Variants in NUS1 observed in about 807,000 individuals in gnomAD.
NUS1 encodes the protein NUS1 dehydrodolichyl diphosphate synthase subunit.
For missense variants in NUS1, 292 were observed against 382.9 expected (o/e 0.76, Z 1.98); for synonymous variants, 135 against 155.2 (o/e 0.87, Z 0.97).
chr6:117,686,852 ATGTGT>A (rs1773147596), intron 1 of NUS1, among the ~76,000 whole-genome samples: 3 of 139,308 alleles, frequency 2.2e-5, no homozygotes, highest in African/African-American at 8.4e-5. Flanking sequence ...TGAAGTGTGT[ATGTGT>A]GTGTGTGTGT....
chr6:117,682,499 G>A (rs918366311), intron 1 of NUS1, among the ~76,000 whole-genome samples: 4 of 152,156 alleles, frequency 2.6e-5, no homozygotes, highest in Non-Finnish European at 5.9e-5. Context: ...TACTCAGGAG[G>A]CTGAGGTGGG....
rs1442659079 is a variant in NUS1, at chr6:117,709,250, A to C, written c.*2235A>C. The C allele has an allele frequency of 2.0e-5, 3 of 151,566 alleles. No individual in the cohort carries two copies. Among genetic ancestry groups the C allele is most frequent in the Non-Finnish European group, 4.4e-5 (3 of 67,826 alleles). The allele number at this position is 151,566 out of a possible 1,614,324, so 9.4% of individuals were successfully genotyped here. A position where few individuals can be genotyped will look rare whatever the true frequency, so the allele number is the denominator to read the frequency against. On this transcript the variant is annotated 3_prime_UTR_variant, in exon 5 of 5. Transcript: ENST00000368494. ...CCAAGAAGAACTGGTAATTTTAAAC[A>C]AAAGTATGTGTCTTTATTTGTATTG... is the stretch of plus-strand genomic sequence containing the variant.
Position 117,707,698 on chromosome 6 carries a change from C to G in NUS1, c.*683C>G, listed in dbSNP as rs1773520699. ...TGGTATTCTGGGTTCAAAAGTATGA[C>G]TTGAGAGTGTTGCTCTGGTATTCTG... On this transcript the variant is annotated 3_prime_UTR_variant, in exon 5 of 5. Transcript: ENST00000368494. The G allele has an allele frequency of 6.8e-6, 1 of 147,970 alleles. No individual in the cohort carries two copies. The highest frequency in any genetic ancestry group is 1.5e-5 in the Non-Finnish European group (1 of 66,852). The allele number at this position is 147,970 out of a possible 1,614,324, so 9.2% of individuals were successfully genotyped here. A position where few individuals can be genotyped will look rare whatever the true frequency, so the allele number is the denominator to read the frequency against.
At chr6:117,681,504 C>T (rs1773061185) in intron 1 of NUS1, among the ~76,000 whole-genome samples, 1 of 152,162 alleles carries the variant, frequency 6.6e-6, no homozygotes, top group South Asian at 2.1e-4. Flanking sequence ...GGAAAATGAA[C>T]ATAGTTTACC....
At position 117,710,374 on chromosome 6, in the gene NUS1, T is replaced by A. The variant is rs1313193672; in HGVS notation, c.*3359T>A. On this transcript the variant is annotated 3_prime_UTR_variant, in exon 5 of 5. Transcript: ENST00000368494. ...TGAAATAAAACCCAGGAAACAAGAT[T>A]AATGTGAGCAGTTCTCCAAGATCCT... The A allele has an allele frequency of 2.0e-5, 3 of 152,090 alleles. No homozygotes were observed. Among genetic ancestry groups the A allele is most frequent in the Non-Finnish European group, 4.4e-5 (3 of 67,976 alleles). 9.4% of individuals were successfully genotyped at this position (152,090 alleles called of 1,614,324 possible).
At chr6:117,701,482 G>T (rs980287006) in intron 3 of NUS1, among the ~76,000 whole-genome samples, 1 of 151,958 alleles carries the variant, frequency 6.6e-6, no homozygotes, top group Non-Finnish European at 1.5e-5. Flanking sequence ...CTGACCTCGT[G>T]ATCCACCTGC....
intron 4 of NUS1, among the ~76,000 whole-genome samples, chr6:117,705,159 G>C (rs1439212008): frequency 6.6e-6 from 1 of 152,184 alleles, no homozygotes; most frequent in East Asian, 1.9e-4. Flanking sequence ...ATAGGGAAGA[G>C]AGACATTGTT....
chr6:117,697,463 G>C (rs370357543), intron 3 of NUS1, among the ~76,000 whole-genome samples: 5 of 152,082 alleles, frequency 3.3e-5, no homozygotes, highest in Admixed American at 2.0e-4. Context: ...GATGGAAAAA[G>C]ATATTTTATG....
Position 117,675,759 on chromosome 6 carries a change from T to G in NUS1, c.89T>G (p.Phe30Cys), listed in dbSNP as rs1412847617. 1.3e-6 allele frequency: 2 copies of G among 1,554,696 alleles called. No homozygotes were observed. Among genetic ancestry groups the G allele is most frequent in the South Asian group, 2.4e-5 (2 of 85,008 alleles). The change falls in exon 1 of 5, where the codon TTC becomes TGC. Residue 30 changes from phenylalanine (F) to cysteine (C), a missense_variant. Phe to Cys is a radical substitution (Grantham distance 205). Transcript: ENST00000368494. ...CTCACCTCCTGGCTCCGCGTTCGGT[T>G]CGGCACCTGGAACTGGATCTGGCGG... Reference protein sequence around the residue: ...RTLTSWLRVRFGTWNWIWRRC... With the variant: ...RTLTSWLRVRCGTWNWIWRRC...
intron 3 of NUS1, among the ~76,000 whole-genome samples, chr6:117,695,069 C>T (rs1044572977): frequency 6.6e-6 from 1 of 151,692 alleles, no homozygotes; most frequent in African/African-American, 2.4e-5. Flanking sequence ...TGGCTCACGC[C>T]TGTGGTCCCA....
At chr6:117,705,104 C>G (rs1459502441) in intron 4 of NUS1, among the ~76,000 whole-genome samples, 1 of 152,116 alleles carries the variant, frequency 6.6e-6, no homozygotes, top group East Asian at 1.9e-4. Context: ...TTGGAAAGGA[C>G]TCTAAATCAT....
At chr6:117,697,091 T>G (rs1238833586) in intron 3 of NUS1, among the ~76,000 whole-genome samples, 1 of 152,046 alleles carries the variant, frequency 6.6e-6, no homozygotes, top group Non-Finnish European at 1.5e-5. Context: ...GTAATCAGCT[T>G]AAAATAATGG....
At chr6:117,691,701 A>G (rs566817190) in intron 1 of NUS1, among the ~76,000 whole-genome samples, 11 of 148,632 alleles carry the variant, frequency 7.4e-5, no homozygotes, top group Middle Eastern at 3.6e-3. Context: ...TTAATTATAT[A>G]TTGATTGATA....
At chr6:117,682,787 G>C (rs574916705) in intron 1 of NUS1, among the ~76,000 whole-genome samples, 4 of 152,288 alleles carry the variant, frequency 2.6e-5, no homozygotes, top group African/African-American at 7.2e-5. Context: ...TTTTATTCTA[G>C]AGCTTTTGTG....
chr6:117,683,719 A>T (rs1478309349), intron 1 of NUS1, among the ~76,000 whole-genome samples: 2 of 152,232 alleles, frequency 1.3e-5, no homozygotes, highest in Non-Finnish European at 2.9e-5. Flanking sequence ...AAGGGAATAA[A>T]TAATCACAGT....
chr6:117,695,946 C>T (rs1333776721), intron 3 of NUS1, among the ~76,000 whole-genome samples: 3 of 152,000 alleles, frequency 2.0e-5, no homozygotes. Flanking sequence ...CTTATGCATT[C>T]ATCGGTTAAT....
intron 3 of NUS1, among the ~76,000 whole-genome samples, chr6:117,702,126 C>T (rs1054745818): frequency 2.0e-5 from 3 of 152,080 alleles, no homozygotes; most frequent in African/African-American, 4.8e-5. Flanking sequence ...TATCTGAGCC[C>T]TTATTTCCTG....
chr6:117,695,216 A>G (rs939997609), intron 3 of NUS1, among the ~76,000 whole-genome samples: 36 of 151,368 alleles, frequency 2.4e-4, no homozygotes, highest in Admixed American at 9.9e-4. Flanking sequence ...AAAAAAAAAA[A>G]AAAAAGAAAA....
rs552813848 is a variant in NUS1, at chr6:117,676,182, C to T, written c.415+97C>T. 1,239 of 1,527,260 alleles carry T rather than the reference C, an allele frequency of 8.1e-4. 2 individuals carry two copies. The highest frequency in any genetic ancestry group is 1.0e-3 in the Non-Finnish European group (1,172 of 1,134,258). 94.6% of individuals were successfully genotyped at this position (1,527,260 alleles called of 1,614,324 possible). On this transcript the variant is annotated intron_variant, in intron 1 of 4. Coordinates refer to ENST00000368494, the MANE Select transcript of NUS1 (RefSeq NM_138459.5). ...TGCCCATGGCACGAGTTGCCGCGGCCTCTCTGCAAATCACAGCGCTAGCGC... is the reference window on the plus strand; with the variant it reads ...TGCCCATGGCACGAGTTGCCGCGGCTTCTCTGCAAATCACAGCGCTAGCGC...
Sources: allele counts gnomAD v4.1 joint callset (sites outside exome capture counted in the v4.1 genomes callset), GRCh38; gene constraint gnomAD v4.1.1; transcripts MANE v1.5; gene names NCBI Gene and HGNC (gene_info 2026-07-23, HGNC 2026-07-21).